The following GBE1 variants were observed in gnomAD, a reference collection of about 807,000 sequenced individuals.
The protein encoded by GBE1 is 1,4-alpha-glucan branching enzyme 1, also known as 1,4-alpha-glucan-branching enzyme.
A neutral mutation model predicts 88.8 loss-of-function variants in GBE1; 70 were observed. The ratio of observed to expected loss-of-function variants is 0.79; its 90% CI spans 0.65 to 0.96. The LOEUF (loss-of-function observed/expected upper bound fraction) is 0.96, where lower values mean the gene tolerates loss of function less well. GBE1 is among the 40% of genes least tolerant of loss of function. The probability of loss-of-function intolerance (pLI) is 0.00; values close to 1 mark genes in which losing one functional copy is unlikely to be tolerated. For synonymous variants in GBE1, 284 were observed against 300.1 expected (o/e 0.95, Z 0.56); for missense variants, 872 against 871.0 (o/e 1.00, Z -0.01).
chr3:81,604,917 C>A (rs1381979390), intron 7 of GBE1, among the ~76,000 whole-genome samples: 1 of 152,050 alleles, frequency 6.6e-6, no homozygotes, highest in Non-Finnish European at 1.5e-5. Flanking sequence ...TCATTAAATT[C>A]TTCACTGATC....
chr3:81,654,222 A>G (rs1254403438), intron 3 of GBE1, among the ~76,000 whole-genome samples: 3 of 152,178 alleles, frequency 2.0e-5, no homozygotes, highest in African/African-American at 7.2e-5. Context: ...GTAAAAGTCA[A>G]ATTAACTTAG....
In GBE1 at chr3:81,594,616, A is replaced by G. The variant is rs952210109; in HGVS notation, c.993-593T>C. Among the ~76,000 whole-genome samples the G allele has an allele frequency of 2.0e-5, 3 of 152,098 alleles. No homozygotes were observed. In the South Asian group the frequency reaches 6.2e-4, roughly 31 times the overall value. ...TCAACCACATGGTAAGCAATATTAC[A>G]TTGACTAGACTGTTGTTTCGTGAAG... On this transcript the variant is annotated intron_variant, in intron 7 of 15. Transcript: ENST00000429644.
chr3:81,501,987 C>T (rs1189701302), intron 14 of GBE1, among the ~76,000 whole-genome samples: 1 of 148,276 alleles, frequency 6.7e-6, no homozygotes, highest in African/African-American at 2.5e-5. Flanking sequence ...AGCTACCATG[C>T]CTGGAATGCT....
At chr3:81,616,079 ATTATT>A (rs1704244620) in intron 7 of GBE1, among the ~76,000 whole-genome samples, 1 of 152,116 alleles carries the variant, frequency 6.6e-6, no homozygotes, top group African/African-American at 2.4e-5. Flanking sequence ...CCATTTTATG[ATTATT>A]TTAATTGTAG....
At chr3:81,618,623 G>A (rs776995602) in intron 7 of GBE1, among the ~76,000 whole-genome samples, 4 of 152,020 alleles carry the variant, frequency 2.6e-5, no homozygotes, top group African/African-American at 4.8e-5. Flanking sequence ...CTCACATGCC[G>A]TTTCACCTTG....
chr3:81,634,522 TAA>T (rs1704564696), intron 7 of GBE1, among the ~76,000 whole-genome samples: 13 of 152,178 alleles, frequency 8.5e-5, no homozygotes, highest in Admixed American at 8.5e-4. Context: ...TTTTCAGTAC[TAA>T]CGAACAGGAA....
intron 1 of GBE1, among the ~76,000 whole-genome samples, chr3:81,750,571 A>G (rs1275626319): frequency 1.4e-4 from 9 of 64,820 alleles, no homozygotes; most frequent in African/African-American, 7.1e-4. Flanking sequence ...ATGTATATAT[A>G]TATACGTATA....
intron 15 of GBE1, among the ~76,000 whole-genome samples, chr3:81,496,614 T>C (rs1702502049): frequency 6.6e-6 from 1 of 152,192 alleles, no homozygotes; most frequent in Non-Finnish European, 1.5e-5. Context: ...CTTATGATCA[T>C]GTTCAAGCAA....
At chr3:81,553,267 G>GT (rs951495963) in intron 12 of GBE1, among the ~76,000 whole-genome samples, 7 of 149,612 alleles carry the variant, frequency 4.7e-5, no homozygotes, top group Non-Finnish European at 5.9e-5. Flanking sequence ...CCTCTTCAGA[G>GT]TTTTTTTTTT....
intron 7 of GBE1, among the ~76,000 whole-genome samples, chr3:81,621,207 C>T (rs1336461159): frequency 4.6e-5 from 7 of 152,134 alleles, no homozygotes. Flanking sequence ...TTGGAGAATA[C>T]ATTTGGTGAT....
At chr3:81,534,748 T>G (rs1198156423) in intron 14 of GBE1, 1 of 152,410 alleles carries the variant, frequency 6.6e-6, no homozygotes, top group Non-Finnish European at 1.5e-5. Flanking sequence ...TCTCCCATAT[T>G]GCTGCTCTAA....
At chr3:81,600,131 C>T (rs1704012524) in intron 7 of GBE1, among the ~76,000 whole-genome samples, 2 of 152,058 alleles carry the variant, frequency 1.3e-5, no homozygotes, top group Non-Finnish European at 2.9e-5. Context: ...CATGGTGGTG[C>T]ATGCCTGTAG....
chr3:81,726,643 A>G (rs1023960793), intron 1 of GBE1, among the ~76,000 whole-genome samples: 2 of 149,178 alleles, frequency 1.3e-5, no homozygotes, highest in African/African-American at 5.0e-5. Flanking sequence ...ATGCAGTGGC[A>G]CAATCTCAGC....
chr3:81,664,171 C>T (rs1006662778), intron 3 of GBE1, among the ~76,000 whole-genome samples: 1 of 152,056 alleles, frequency 6.6e-6, no homozygotes, highest in South Asian at 2.1e-4. Context: ...GAGGGTCAAT[C>T]TGTATTTCAA....
intron 2 of GBE1, among the ~76,000 whole-genome samples, chr3:81,700,716 G>C (rs1031846973): frequency 9.2e-5 from 14 of 151,792 alleles, no homozygotes; most frequent in Admixed American, 3.3e-4. Context: ...GACAAAACTG[G>C]CCCAAAAAAA....
At chr3:81,529,720 T>C (rs1702989512) in intron 14 of GBE1, among the ~76,000 whole-genome samples, 1 of 152,090 alleles carries the variant, frequency 6.6e-6, no homozygotes, top group Non-Finnish European at 1.5e-5. Flanking sequence ...GTTTATTTTC[T>C]CTTGCTGCTT....
intron 12 of GBE1, among the ~76,000 whole-genome samples, chr3:81,562,165 G>A (rs1181032857): frequency 6.6e-6 from 1 of 152,052 alleles, no homozygotes; most frequent in African/African-American, 2.4e-5. Flanking sequence ...AGCAGTAGGT[G>A]CCAAATTAGT....
At chr3:81,523,477 CT>C (rs747807546) in intron 14 of GBE1, among the ~76,000 whole-genome samples, 3 of 151,374 alleles carry the variant, frequency 2.0e-5, no homozygotes, top group African/African-American at 2.4e-5. Flanking sequence ...AGCATTTATC[CT>C]TTTTTTGTGT....
At chr3:81,538,418 A>T (rs898574599) in intron 12 of GBE1, among the ~76,000 whole-genome samples, 227 of 152,152 alleles carry the variant, frequency 1.5e-3, no homozygotes, top group African/African-American at 5.3e-3. Context: ...TTAAAAATTA[A>T]TAAGTGTCTA....
Sources: gnomAD v4.1 joint callset for allele counts (sites outside exome capture counted in the v4.1 genomes callset) on GRCh38, gnomAD v4.1.1 for gene constraint, MANE v1.5 for transcripts, NCBI Gene and HGNC (gene_info 2026-07-23, HGNC 2026-07-21) for gene names.